MYBPH: variants seen among roughly 807,000 people sequenced by gnomAD.
MYBPH encodes myosin binding protein H.
In MYBPH, 49 loss-of-function variants were observed where a neutral mutation model predicts 53.6. That is an observed-to-expected ratio of 0.91 (90% CI 0.73 to 1.16). The LOEUF (loss-of-function observed/expected upper bound fraction) is 1.16. MYBPH is among the 50% of genes most tolerant of loss of function. The pLI is 0.00. For missense variants in MYBPH, 558 were observed against 624.1 expected, an observed-to-expected ratio of 0.89 and a Z score of 1.13; for synonymous variants, 239 against 249.6, an observed-to-expected ratio of 0.96 and a Z score of 0.40.
rs779898776 is a variant in MYBPH at position 203,172,025 on chromosome 1, C to T, written c.524G>A (p.Arg175His). The change falls in exon 4 of 11, where the codon CGT (arginine) becomes CAT (histidine). Residue 175 changes from arginine (R) to histidine (H), a missense_variant. By Grantham distance (29) the Arg-to-His change is conservative. Coordinates refer to ENST00000255416, the MANE Select transcript of MYBPH (RefSeq NM_004997.3). ...IRENIEAPKIRVPRHLRQTYI... is the reference protein window; with the variant it reads ...IRENIEAPKIHVPRHLRQTYI... Reference sequence around the variant, plus strand: ...GGTCTGACGGAGGTGGCGGGGGACACGGATCTTGGGGGCCTCTGGATCAAA... The same window carrying T: ...GGTCTGACGGAGGTGGCGGGGGACATGGATCTTGGGGGCCTCTGGATCAAA... 2.8e-5 allele frequency: 37 copies of T among 1,315,594 alleles called. No homozygotes were observed. The highest frequency in any genetic ancestry group is 2.4e-4 in the Admixed American group (8 of 32,686). 81.5% of individuals were successfully genotyped at this position (1,315,594 alleles called of 1,614,324 possible).
At chr1:203,170,123 C>T (rs918076568) in intron 7 of MYBPH, among the ~76,000 whole-genome samples, 168 bp downstream of exon 7, 7 of 152,226 alleles carry the variant, frequency 4.6e-5, no homozygotes, top group African/African-American at 1.7e-4. Context: ...ACATTCACTA[C>T]TTTGCAGCCA....
In MYBPH at chr1:203,168,970, G is replaced by C; in HGVS notation, c.1353C>G (p.Val451=). 6.2e-7 allele frequency: 1 copy of C among 1,614,042 alleles called. No individual in the cohort carries two copies. Among genetic ancestry groups the C allele is most frequent in the Non-Finnish European group, 8.5e-7 (1 of 1,180,036 alleles). Reference sequence around the variant, plus strand: ...GCACATTTATGGCCTTGCAGGTGTAGACCCCAGAATCAAAGGGGCTGGGTT... The same window carrying C: ...GCACATTTATGGCCTTGCAGGTGTACACCCCAGAATCAAAGGGGCTGGGTT... ...IRKPSPFDSG[V]YTCKAINVLG... The change falls in exon 9 of 11, where the codon GTC becomes GTG. Residue 451 remains valine (V), a synonymous_variant. Coordinates refer to ENST00000255416, the MANE Select transcript of MYBPH (RefSeq NM_004997.3).
In MYBPH at chr1:203,171,617, G is replaced by T. The variant is rs765560099; in HGVS notation, c.598-39C>A. 6.4e-7 allele frequency: 1 copy of T among 1,565,272 alleles called. No homozygotes were observed. The highest frequency in any genetic ancestry group is 8.7e-7 in the Non-Finnish European group (1 of 1,154,178). On this transcript the variant is annotated intron_variant, in intron 4 of 10. Coordinates refer to ENST00000255416, the MANE Select transcript of MYBPH (RefSeq NM_004997.3). This position sits in a 1 kb window ranked among gnomAD's most constrained non-coding sequence, Gnocchi z 4.2. The stretch of plus-strand genomic sequence containing the variant: ...GCCCCCAGGGTGAGTGTAGGGAGGT[G>T]CCAGAGTCCCCACACCTCCTTAACT...
intron 3 of MYBPH, 46 bp downstream of exon 3, chr1:203,174,384 G>C: frequency 6.6e-7 from 1 of 1,522,126 alleles, no homozygotes; most frequent in South Asian, 1.3e-5. Flanking sequence ...CATTAGATAA[G>C]GTGTTTGGGA....
At chr1:203,168,439 G>A (rs192680143) in intron 10 of MYBPH, among the ~76,000 whole-genome samples, 188 bp downstream of exon 10, 12 of 152,296 alleles carry the variant, frequency 7.9e-5, no homozygotes, top group Admixed American at 3.3e-4. Context: ...AGGAGACACC[G>A]GCATCGCCTG....
chr1:203,176,462 C>A (rs978163034), upstream of MYBPH, among the ~76,000 whole-genome samples: 2 of 152,158 alleles, frequency 1.3e-5, no homozygotes, highest in African/African-American at 2.4e-5. Flanking sequence ...TGGTAAGGAG[C>A]TCGTCTCCCC....
rs371152897 is a variant in MYBPH at position 203,171,566 on chromosome 1, G to C, written c.610C>G (p.Pro204Ala). Residue 204 changes from proline (P) to alanine (A), a missense_variant, in exon 5 of 11, where the codon CCT becomes GCT. By Grantham distance (27) the Pro-to-Ala change is conservative. Coordinates refer to ENST00000255416, the MANE Select transcript of MYBPH (RefSeq NM_004997.3). The surrounding 1 kb of genome is among the most constrained non-coding windows in gnomAD (Gnocchi z 4.2). ...LQIPFQGKPK[P>A]QATWTHNGHA... ...CCGTTGTGGGTCCATGTGGCCTGAG[G>C]CTTAGGCTTCCCCTGGCAGGGAGGA... is the stretch of plus-strand genomic sequence containing the variant. 3 of 1,612,206 alleles carry C rather than the reference G, an allele frequency of 1.9e-6. No homozygotes were observed. The Admixed American group carries it at 5.0e-5, about 27-fold the overall frequency.
Position 203,174,326 on chromosome 1 carries a change from G to T in MYBPH, c.508+104C>A. On this transcript the variant is annotated intron_variant, in intron 3 of 10. Coordinates refer to ENST00000255416, the MANE Select transcript of MYBPH (RefSeq NM_004997.3). ...TGGCTTGTGCATGTGAGCGTGGGACGGGGGAAATGACTGCCTGGTTCCCTC... is the reference window on the plus strand; with the variant it reads ...TGGCTTGTGCATGTGAGCGTGGGACTGGGGAAATGACTGCCTGGTTCCCTC... 4.1e-6 allele frequency: 6 copies of T among 1,478,996 alleles called. No homozygotes were observed. The South Asian group carries it at 7.1e-5, about 17-fold the overall frequency. The allele number at this position is 1,478,996 out of a possible 1,614,324, so 91.6% of individuals were successfully genotyped here.
At chr1:203,169,215 C>T (rs367820128) in intron 8 of MYBPH, 38 bp downstream of exon 8, 6 of 1,580,652 alleles carry the variant, frequency 3.8e-6, no homozygotes, top group Non-Finnish European at 5.2e-6. Context: ...CCCACCTGCC[C>T]CCACCAGCCC....
chr1:203,171,623 G>A lies in MYBPH; in HGVS notation c.598-45C>T, dbSNP rs758961306. On this transcript the variant is annotated intron_variant, in intron 4 of 10. Coordinates refer to ENST00000255416, the MANE Select transcript of MYBPH (RefSeq NM_004997.3). The surrounding 1 kb of genome is among the most constrained non-coding windows in gnomAD (Gnocchi z 4.2). Reference sequence around the variant, plus strand: ...AGGGTGAGTGTAGGGAGGTGCCAGAGTCCCCACACCTCCTTAACTCCAGGA... The same window carrying A: ...AGGGTGAGTGTAGGGAGGTGCCAGAATCCCCACACCTCCTTAACTCCAGGA... 1.4e-5 allele frequency: 21 copies of A among 1,547,392 alleles called. No homozygotes were observed. In the Admixed American group the frequency reaches 3.6e-4, roughly 26 times the overall value.
At chr1:203,170,143 T>A in intron 7 of MYBPH, 148 bp downstream of exon 7, 3 of 910,876 alleles carry the variant, frequency 3.3e-6, no homozygotes, top group Non-Finnish European at 4.9e-6. Flanking sequence ...ACTCCATGTG[T>A]GTGTATGCAT....
At chr1:203,172,611 C>T (rs1655722269) in intron 3 of MYBPH, among the ~76,000 whole-genome samples, 1 of 152,224 alleles carries the variant, frequency 6.6e-6, no homozygotes, top group South Asian at 2.1e-4. Context: ...ATCCCCCCTT[C>T]TTCCTCTGTC....
intron 2 of MYBPH, among the ~76,000 whole-genome samples, chr1:203,174,892 G>A (rs1402199709): frequency 1.3e-5 from 2 of 152,124 alleles, no homozygotes; most frequent in African/African-American, 4.8e-5. Flanking sequence ...CTTGGGCCAT[G>A]GAGGGGGACA....
In MYBPH at chr1:203,175,789, G is replaced by T. The variant is rs776929733; in HGVS notation, c.-34C>A. 2.1e-5 allele frequency: 33 copies of T among 1,608,742 alleles called. No homozygotes were observed. In the South Asian group the frequency reaches 2.9e-4, roughly 14 times the overall value. On this transcript the variant is annotated 5_prime_UTR_variant, in exon 1 of 11. Coordinates refer to ENST00000255416, the MANE Select transcript of MYBPH (RefSeq NM_004997.3). ...TGGCTGGGGGGCCAGGGTGGAGTGT[G>T]CAGGGGTCAGCCGTTGGGGGGCCTG...
In MYBPH at chr1:203,171,238, G is replaced by T; in HGVS notation, c.794-38C>A. On this transcript the variant is annotated intron_variant, in intron 5 of 10. Transcript: ENST00000255416. The surrounding 1 kb of genome is among the most constrained non-coding windows in gnomAD (Gnocchi z 4.2). ...AGTGTGAGAGGAAGTGAGTGTGAGGGCCAGGCTGGCCACAGAGCCCCCACA... is the reference window on the plus strand; with the variant it reads ...AGTGTGAGAGGAAGTGAGTGTGAGGTCCAGGCTGGCCACAGAGCCCCCACA... 1 of 1,558,336 alleles carries T rather than the reference G, an allele frequency of 6.4e-7. No individual in the cohort carries two copies. Among genetic ancestry groups the T allele is most frequent in the Non-Finnish European group, 8.7e-7 (1 of 1,150,760 alleles).
chr1:203,170,361 G>A lies in MYBPH; in HGVS notation c.1023C>T (p.Phe341=). 2 of 1,614,208 alleles carry A rather than the reference G, an allele frequency of 1.2e-6. No individual in the cohort carries two copies. Among genetic ancestry groups the A allele is most frequent in the Non-Finnish European group, 1.7e-6 (2 of 1,180,040 alleles). ...IIGNSYSFRV[F]SENLCGLSTS... Reference sequence around the variant, plus strand: ...TGCTGAGTCCACACAGGTTTTCTGAGAAGACCCGGAAGGAGTACGAGTTGC... The same window carrying A: ...TGCTGAGTCCACACAGGTTTTCTGAAAAGACCCGGAAGGAGTACGAGTTGC... Residue 341 remains phenylalanine, a synonymous_variant, in exon 7 of 11, where the codon TTC becomes TTT. Coordinates refer to ENST00000255416, the MANE Select transcript of MYBPH (RefSeq NM_004997.3).
upstream of MYBPH, among the ~76,000 whole-genome samples, chr1:203,176,912 T>A (rs1655821928): frequency 6.6e-6 from 1 of 152,158 alleles, no homozygotes; most frequent in African/African-American, 2.4e-5. Flanking sequence ...AGAAGAAGGT[T>A]CATGGCAATG....
Position 203,171,171 on chromosome 1 carries a change from G to A in MYBPH, c.823C>T (p.Leu275Phe). 6.2e-7 allele frequency: 1 copy of A among 1,609,320 alleles called. No homozygotes were observed. The highest frequency in any genetic ancestry group is 8.5e-7 in the Non-Finnish European group (1 of 1,177,758). Residue 275 changes from leucine to phenylalanine, a missense_variant, in exon 6 of 11, where the codon CTC (leucine) becomes TTC (phenylalanine). Coordinates refer to ENST00000255416, the MANE Select transcript of MYBPH (RefSeq NM_004997.3). The surrounding 1 kb of genome is among the most constrained non-coding windows in gnomAD (Gnocchi z 4.2). ...GCATTGCAGCCCCAGACGTCCAGGA[G>A]CCTGATGCTGCTGGGGGGTCCAGGT... is the stretch of plus-strand genomic sequence containing the variant. ...EKPGPPSSIR[L>F]LDVWGCNAAL...
chr1:203,172,361 C>A (rs1655717630), intron 3 of MYBPH, among the ~76,000 whole-genome samples: 1 of 152,152 alleles, frequency 6.6e-6, no homozygotes. Context: ...TTCCCAAGCA[C>A]CAGATGGGCC....
Sources: gnomAD v4.1 joint callset for allele counts (sites outside exome capture counted in the v4.1 genomes callset) on GRCh38, gnomAD v4.1.1 for gene constraint, Gnocchi (gnomAD v3.1) non-coding constraint, MANE v1.5 for transcripts, NCBI Gene and HGNC (gene_info 2026-07-23, HGNC 2026-07-21) for gene names.